Variants in DSE observed in about 807,000 individuals in gnomAD.
DSE encodes the protein dermatan sulfate epimerase.
DSE carries 36 observed loss-of-function variants against 84.4 expected under a neutral mutation model. The ratio of observed to expected loss-of-function variants is 0.43; its 90% CI spans 0.33 to 0.56. The LOEUF is 0.56. Among genes scored for constraint, DSE ranks in the 20% least tolerant of loss-of-function variants. The probability of loss-of-function intolerance (pLI) is 0.06; values close to 1 mark genes in which losing one functional copy is unlikely to be tolerated. For synonymous variants in DSE, 410 were observed against 430.1 expected (o/e 0.95, Z 0.58); for missense variants, 862 against 1,169.6 (o/e 0.74, Z 3.84).
chr6:116,365,539 C>G (rs1233722949), upstream of DSE, among the ~76,000 whole-genome samples: 2 of 152,168 alleles, frequency 1.3e-5, no homozygotes, highest in African/African-American at 4.8e-5. Context: ...AGCCGTGAGC[C>G]ACCGCACGTG....
intron 2 of DSE, among the ~76,000 whole-genome samples, chr6:116,411,419 G>T (rs887773862): frequency 6.6e-6 from 1 of 152,226 alleles, no homozygotes; most frequent in African/African-American, 2.4e-5. Context: ...TGAAGCCAAA[G>T]AAACATTGTG....
At chr6:116,426,509 T>G in intron 2 of DSE, 65 bp from the exon 3 acceptor site, 1 of 1,574,566 alleles carries the variant, frequency 6.4e-7, no homozygotes, top group Non-Finnish European at 8.6e-7. Flanking sequence ...AAATAGACAC[T>G]TTAGAAGTGT....
chr6:116,421,617 G>T (rs563159324), intron 2 of DSE, among the ~76,000 whole-genome samples: 2 of 151,108 alleles, frequency 1.3e-5, no homozygotes, highest in East Asian at 3.9e-4. Context: ...GACTTCAGGT[G>T]CATGCCACCA....
chr6:116,399,894 C>G (rs1009705273), intron 2 of DSE: 4 of 516,030 alleles, frequency 7.8e-6, no homozygotes, highest in African/African-American at 7.7e-5. Context: ...GCAGCCTAAT[C>G]TAAAGAAAAA....
intron 2 of DSE, among the ~76,000 whole-genome samples, chr6:116,341,418 T>A (rs1338702512): frequency 6.6e-6 from 1 of 152,216 alleles, no homozygotes; most frequent in Non-Finnish European, 1.5e-5. Flanking sequence ...TTTCTCCCGT[T>A]CTGTAGGTTG....
At chr6:116,389,905 T>C (rs1380036433) in intron 1 of DSE, among the ~76,000 whole-genome samples, 2 of 151,992 alleles carry the variant, frequency 1.3e-5, no homozygotes, top group African/African-American at 4.8e-5. Flanking sequence ...TAAGGGAGAC[T>C]GACTATTCAT....
At position 116,426,672 on chromosome 6, in the gene DSE, C is replaced by T. The variant is rs924835498; in HGVS notation, c.515C>T (p.Thr172Ile). Residue 172 changes from threonine to isoleucine, a missense_variant, in exon 3 of 6, where the codon ACA (threonine) becomes ATA (isoleucine). Physicochemically the swap from Thr to Ile is moderately conservative, Grantham distance 89 (BLOSUM62 -1). Transcript: ENST00000644252. ...YDFLYNYLSK[T>I]QQEKFLEVIA... ...TTCTTGTACAACTACCTGAGCAAGA[C>T]ACAACAGGAGAAGTTTCTTGAAGTG... The T allele has an allele frequency of 1.9e-6, 3 of 1,614,044 alleles. No individual in the cohort carries two copies. Among genetic ancestry groups the T allele is most frequent in the African/African-American group, 1.3e-5 (1 of 74,910 alleles).
At chr6:116,403,429 A>T (rs899373686) in intron 2 of DSE, among the ~76,000 whole-genome samples, 1 of 151,490 alleles carries the variant, frequency 6.6e-6, no homozygotes, top group South Asian at 2.1e-4. Flanking sequence ...AAATTAATAA[A>T]ATTTAATAAT....
At position 116,441,319 on chromosome 6, in the gene DSE, T is replaced by A. The variant is rs575050121; in HGVS notation, c.*3974T>A. On this transcript the variant is annotated 3_prime_UTR_variant, in exon 6 of 6. Transcript: ENST00000644252. ...CTCTTGGTTTTGGGATTTTTTTAAT[T>A]GAAGTTTTATTTGGCATAAATTATG... 3.3e-5 allele frequency: 5 copies of A among 152,356 alleles called. No individual in the cohort carries two copies. The highest frequency in any genetic ancestry group is 4.8e-5 in the African/African-American group (2 of 41,588). 9.4% of individuals were successfully genotyped at this position (152,356 alleles called of 1,614,324 possible).
intron 2 of DSE, among the ~76,000 whole-genome samples, chr6:116,416,617 A>G (rs890127900): frequency 5.3e-5 from 8 of 152,142 alleles, no homozygotes; most frequent in Non-Finnish European, 7.3e-5. Flanking sequence ...ACATACAGTT[A>G]TTATAACTGC....
chr6:116,433,315 C>T (rs777889527), intron 4 of DSE, 28 bp from the exon 5 acceptor site: 20 of 1,547,182 alleles, frequency 1.3e-5, no homozygotes, highest in Non-Finnish European at 1.6e-5. Context: ...TTCAAAGTAT[C>T]TTAATTCTTT....
intron 2 of DSE, among the ~76,000 whole-genome samples, chr6:116,335,311 G>T (rs1397501255): frequency 1.3e-5 from 2 of 152,144 alleles, no homozygotes; most frequent in Non-Finnish European, 2.9e-5. Context: ...ACTTGTAAGT[G>T]GGAGCTAAAT....
Position 116,441,810 on chromosome 6 carries a change from A to G in DSE, c.*4465A>G, listed in dbSNP as rs1309782178. 2.0e-5 allele frequency: 3 copies of G among 152,242 alleles called. No individual in the cohort carries two copies. Among genetic ancestry groups the G allele is most frequent in the Non-Finnish European group, 4.4e-5 (3 of 68,048 alleles). The allele number at this position is 152,242 out of a possible 1,614,324, so 9.4% of individuals were successfully genotyped here. On this transcript the variant is annotated 3_prime_UTR_variant, in exon 6 of 6. Coordinates refer to ENST00000644252, the MANE Select transcript of DSE (RefSeq NM_013352.4). ...CAGCACTTTTCAGTTGAGTTAACAA[A>G]TAACGAATGACAATAACATGTTTAC...
At chr6:116,432,614 CTCTT>C (rs1374920159) in intron 4 of DSE, 1 of 150,760 alleles carries the variant, frequency 6.6e-6, no homozygotes, top group South Asian at 2.1e-4. Context: ...CTTCATTTCT[CTCTT>C]TTTTTTTTTT....
intron 2 of DSE, among the ~76,000 whole-genome samples, chr6:116,316,277 G>A (rs13214667): frequency 0.23 from 35,646 of 152,034 alleles, 5,614 homozygotes; most frequent in Non-Finnish European, 0.36. Flanking sequence ...TTGATTCATG[G>A]TTGGGTTTAT....
intron 4 of DSE, 124 bp downstream of exon 4, chr6:116,431,317 T>C (rs1783826864): frequency 7.6e-7 from 1 of 1,321,940 alleles, no homozygotes; most frequent in Non-Finnish European, 1.0e-6. Context: ...ATTAAATAGA[T>C]TTTTTTAATC....
At chr6:116,434,176 GA>G (rs1784015666) in intron 5 of DSE, among the ~76,000 whole-genome samples, 1 of 152,124 alleles carries the variant, frequency 6.6e-6, no homozygotes, top group Non-Finnish European at 1.5e-5. Context: ...TTTAAGCCCA[GA>G]AAGAGAAGCT....
chr6:116,355,516 C>T (rs1778524112), intron 2 of DSE, among the ~76,000 whole-genome samples: 1 of 152,128 alleles, frequency 6.6e-6, no homozygotes, highest in South Asian at 2.1e-4. Flanking sequence ...GTTTTGTGCC[C>T]TAGTAGAGTA....
At chr6:116,402,701 C>T (rs371885051) in intron 2 of DSE, among the ~76,000 whole-genome samples, 1 of 152,148 alleles carries the variant, frequency 6.6e-6, no homozygotes, top group African/African-American at 2.4e-5. Flanking sequence ...ACTAGAACAT[C>T]TGTTTAACTC....
Sources: allele counts gnomAD v4.1 joint callset (sites outside exome capture counted in the v4.1 genomes callset), GRCh38; gene constraint gnomAD v4.1.1; transcripts MANE v1.5; gene names NCBI Gene and HGNC (gene_info 2026-07-23, HGNC 2026-07-21).